Variants in RASA3 observed in about 807,000 individuals in gnomAD.
The protein encoded by RASA3 is ras GTPase-activating protein 3.
A neutral mutation model predicts 110.0 loss-of-function variants in RASA3; 73 were observed. The ratio of observed to expected loss-of-function variants is 0.66; its 90% CI spans 0.55 to 0.81. The LOEUF (loss-of-function observed/expected upper bound fraction) is 0.81. Among genes scored for constraint, RASA3 ranks in the 30% least tolerant of loss-of-function variants. The probability of loss-of-function intolerance (pLI) is 0.00; values close to 1 mark genes in which losing one functional copy is unlikely to be tolerated. For missense variants in RASA3, 976 were observed against 1,113.2 expected, an observed-to-expected ratio of 0.88 and a Z score of 1.75; for synonymous variants, 500 against 451.4, an observed-to-expected ratio of 1.11 and a Z score of -1.37.
At chr13:114,072,790 T>C (rs2079593495) in intron 2 of RASA3, among the ~76,000 whole-genome samples, 1 of 152,146 alleles carries the variant, frequency 6.6e-6, no homozygotes, top group African/African-American at 2.4e-5. Flanking sequence ...ATGTACATGC[T>C]CAGGACATAA....
chr13:114,060,075 G>A (rs563722942), intron 2 of RASA3, among the ~76,000 whole-genome samples: 73 of 152,388 alleles, frequency 4.8e-4, no homozygotes, highest in African/African-American at 1.7e-3. Flanking sequence ...ATGAGGCCAT[G>A]GACGGCGCGG....
chr13:114,015,163 C>T lies in RASA3; in HGVS notation c.1405+46G>A, dbSNP rs371713109. 216 of 1,609,466 alleles carry T rather than the reference C, an allele frequency of 1.3e-4. 1 individual carries two copies. Among genetic ancestry groups the T allele is most frequent in the Non-Finnish European group, 1.8e-4 (211 of 1,178,790 alleles). On this transcript the variant is annotated intron_variant, in intron 14 of 23. Transcript: ENST00000334062. The stretch of plus-strand genomic sequence containing the variant: ...CCTGGGTGGGAGTCACCCTGCACAG[C>T]GCTATGGCAGTTTCTCAGCAACATG...
intron 3 of RASA3, among the ~76,000 whole-genome samples, chr13:114,047,698 A>G (rs566580747): frequency 1.7e-4 from 26 of 152,338 alleles, no homozygotes; most frequent in Admixed American, 9.8e-4. Flanking sequence ...ATGGAAACCC[A>G]CGGGCAGTGG....
chr13:114,037,639 A>T (rs2054303480), intron 4 of RASA3, among the ~76,000 whole-genome samples: 1 of 152,226 alleles, frequency 6.6e-6, no homozygotes, highest in Non-Finnish European at 1.5e-5. Flanking sequence ...ATACCACTGA[A>T]TTGGACATTT....
rs1287001482 is a variant in RASA3 at position 114,016,205 on chromosome 13, T to G, written c.1273A>C (p.Asn425His). ...VKLKDGENLE[N>H]NMENLRQYVD... ...TCATGAACAAAACCTACCATGTTGTTTTCAAGGTTTTCTCCGTCTTTCAAC... is the reference window on the plus strand; with the variant it reads ...TCATGAACAAAACCTACCATGTTGTGTTCAAGGTTTTCTCCGTCTTTCAAC... The change falls in exon 13 of 24, where the codon AAC (asparagine) becomes CAC (histidine). Residue 425 changes from asparagine to histidine, a missense_variant. By Grantham distance (68) the Asn-to-His change is moderately conservative. Around this residue, in one of 4 missense-constraint regions of RASA3, gnomAD observed 732 missense variants for 779.7 expected, o/e 0.94. Coordinates refer to ENST00000334062, the MANE Select transcript of RASA3 (RefSeq NM_007368.4). 6.3e-7 allele frequency: 1 copy of G among 1,589,820 alleles called. No homozygotes were observed.
chr13:114,016,817 G>C (rs2053803377), intron 12 of RASA3, among the ~76,000 whole-genome samples: 3 of 152,244 alleles, frequency 2.0e-5, no homozygotes, highest in Admixed American at 2.0e-4. Context: ...GGGGGGCACA[G>C]CCTGGCGGGC....
At chr13:114,055,220 G>T (rs935017608) in intron 2 of RASA3, among the ~76,000 whole-genome samples, 1 of 152,196 alleles carries the variant, frequency 6.6e-6, no homozygotes, top group Admixed American at 6.5e-5. Context: ...TGTGCTCACA[G>T]GCATGTGTGC....
intron 22 of RASA3, among the ~76,000 whole-genome samples, chr13:113,992,001 GCT>G (rs1185997966): frequency 6.6e-6 from 1 of 151,506 alleles, no homozygotes; most frequent in Non-Finnish European, 1.5e-5. Context: ...ATTCACACAT[GCT>G]CACACATGTC....
chr13:114,099,626 C>CCA, intron 1 of RASA3, among the ~76,000 whole-genome samples: 1 of 3,018 alleles, frequency 3.3e-4, no homozygotes, highest in Non-Finnish European at 1.1e-3. Flanking sequence ...CACAGCAGCC[C>CCA]CCCCACAGCC....
At chr13:113,996,824 C>A in intron 20 of RASA3, 85 bp from the exon 21 acceptor site, 2 of 1,253,998 alleles carry the variant, frequency 1.6e-6, no homozygotes, top group Non-Finnish European at 2.3e-6. Flanking sequence ...CCTGGCCGTC[C>A]TCGCCGGAGT....
intron 23 of RASA3, among the ~76,000 whole-genome samples, chr13:113,980,363 C>T (rs532192468): frequency 1.4e-4 from 20 of 147,192 alleles, no homozygotes; most frequent in East Asian, 6.2e-4. Flanking sequence ...CATGTGTGTG[C>T]GCCTCCTCCG....
chr13:114,069,652 G>A (rs187275756), intron 2 of RASA3, among the ~76,000 whole-genome samples: 16 of 9,258 alleles, frequency 1.7e-3, no homozygotes, highest in Admixed American at 4.5e-3. Flanking sequence ...CGGGAGACTC[G>A]GGGAGCCGGG....
rs1213127028 is a variant in RASA3, at chr13:114,017,285, C to T, written c.1158G>A (p.Leu386=). ...ASKCIDETMK[L]AGMHYLHVTL... ...TGACATGCAGGTAATGCATCCCCGC[C>T]AGCTTCATGGTCTCGTCGATGCACT... is the stretch of plus-strand genomic sequence containing the variant. Residue 386 remains leucine (L), a synonymous_variant, in exon 12 of 24, where the codon CTG becomes CTA. Transcript: ENST00000334062. The T allele has an allele frequency of 6.2e-7, 1 of 1,613,972 alleles. No individual in the cohort carries two copies. Among genetic ancestry groups the T allele is most frequent in the Admixed American group, 1.7e-5 (1 of 60,034 alleles).
intron 23 of RASA3, among the ~76,000 whole-genome samples, chr13:113,980,884 G>A (rs1383311194): frequency 6.6e-6 from 1 of 152,204 alleles, no homozygotes; most frequent in Non-Finnish European, 1.5e-5. Context: ...TGGAGGAGGA[G>A]AGAGGGAGGA....
At chr13:114,066,282 C>T (rs2079448053) in intron 2 of RASA3, among the ~76,000 whole-genome samples, 1 of 152,238 alleles carries the variant, frequency 6.6e-6, no homozygotes. Context: ...CACAACCAGA[C>T]ACCGGGTCCC....
At position 114,016,115 on chromosome 13, in the gene RASA3, T is replaced by C; in HGVS notation, c.1281+82A>G. ...TCCCACCCCAACCGGGGTCACGGGG[T>C]GAGTCAGAGCTTCCAGGCAGCCATC... On this transcript the variant is annotated intron_variant, in intron 13 of 23. Coordinates refer to ENST00000334062, the MANE Select transcript of RASA3 (RefSeq NM_007368.4). The C allele has an allele frequency of 2.4e-6, 3 of 1,270,768 alleles. No homozygotes were observed. The Admixed American group carries it at 5.3e-5, about 22-fold the overall frequency. 78.7% of individuals were successfully genotyped at this position (1,270,768 alleles called of 1,614,324 possible).
At chr13:114,100,769 G>A (rs551040137) in intron 1 of RASA3, among the ~76,000 whole-genome samples, 27 of 152,250 alleles carry the variant, frequency 1.8e-4, no homozygotes, top group East Asian at 3.9e-4. Flanking sequence ...TGTACCCTTC[G>A]AGAAACACTC....
chr13:114,120,498 G>GT (rs2080360974), intron 1 of RASA3, among the ~76,000 whole-genome samples: 1 of 23,236 alleles, frequency 4.3e-5, no homozygotes, highest in Non-Finnish European at 1.3e-4. Flanking sequence ...GTCGATCAGG[G>GT]CCCCCCCTCC....
chr13:114,061,050 GCA>G (rs1359926526), intron 2 of RASA3, among the ~76,000 whole-genome samples: 1 of 148,196 alleles, frequency 6.7e-6, no homozygotes, highest in East Asian at 2.0e-4. Context: ...CCTGGGCACT[GCA>G]CACAGAGACA....
Sources: allele counts gnomAD v4.1 joint callset (sites outside exome capture counted in the v4.1 genomes callset), GRCh38; gene constraint gnomAD v4.1.1; regional missense constraint gnomAD v4.1.1; transcripts MANE v1.5; gene names NCBI Gene and HGNC (gene_info 2026-07-23, HGNC 2026-07-21).